Variants in AGBL4 observed in about 807,000 individuals in gnomAD.
AGBL4 encodes AGBL carboxypeptidase 4, also known as cytosolic carboxypeptidase 6.
AGBL4 carries 58 observed loss-of-function variants against 66.4 expected under a neutral mutation model. The ratio of observed to expected loss-of-function variants is 0.87; its 90% CI spans 0.71 to 1.09. The LOEUF is 1.09. Among genes scored for constraint, AGBL4 ranks in the 50% least tolerant of loss-of-function variants. AGBL4 has a pLI of 0.00. For missense variants in AGBL4, 579 were observed against 631.0 expected, an observed-to-expected ratio of 0.92 and a Z score of 0.88; for synonymous variants, 234 against 222.9, an observed-to-expected ratio of 1.05 and a Z score of -0.44.
intron 2 of AGBL4, among the ~76,000 whole-genome samples, chr1:49,737,926 A>G (rs4926827): frequency 0.61 from 92,471 of 152,138 alleles, 28,801 homozygotes; most frequent in Middle Eastern, 0.67. Flanking sequence ...TGCATTTCCA[A>G]CTGAGGTACC....
intron 2 of AGBL4, among the ~76,000 whole-genome samples, chr1:49,741,614 C>A (rs577422266): frequency 9.9e-5 from 15 of 152,256 alleles, no homozygotes; most frequent in South Asian, 4.1e-4. Context: ...GAATCATAGA[C>A]CAATATCCCT....
At chr1:49,067,056 A>G (rs958962991) in intron 4 of AGBL4, among the ~76,000 whole-genome samples, 1 of 152,174 alleles carries the variant, frequency 6.6e-6, no homozygotes, top group South Asian at 2.1e-4. Context: ...CAATCTTGCA[A>G]GAAATACAGG....
chr1:49,063,470 C>T (rs981020639), intron 4 of AGBL4, among the ~76,000 whole-genome samples: 1 of 152,152 alleles, frequency 6.6e-6, no homozygotes, highest in Admixed American at 6.6e-5. Flanking sequence ...GCTGAAGCCA[C>T]ACTGGAGTTT....
At chr1:49,927,853 G>C (rs1475105177) in intron 1 of AGBL4, among the ~76,000 whole-genome samples, 2 of 152,142 alleles carry the variant, frequency 1.3e-5, no homozygotes, top group African/African-American at 4.8e-5. Flanking sequence ...GTCAGAAAAT[G>C]CTGCCAATAA....
intron 1 of AGBL4, among the ~76,000 whole-genome samples, chr1:49,936,553 A>C (rs1654052413): frequency 6.6e-6 from 1 of 152,190 alleles, no homozygotes; most frequent in South Asian, 2.1e-4. Flanking sequence ...ACCAAAGTTG[A>C]AATGAAGGAA....
intron 3 of AGBL4, among the ~76,000 whole-genome samples, chr1:49,422,307 C>T (rs755970039): frequency 9.2e-5 from 14 of 152,124 alleles, no homozygotes; most frequent in Non-Finnish European, 1.6e-4. Context: ...GTGCATCAAA[C>T]TGCTTCTCTG....
chr1:49,153,472 T>C, intron 4 of AGBL4, among the ~76,000 whole-genome samples: 1 of 152,064 alleles, frequency 6.6e-6, no homozygotes, highest in East Asian at 1.9e-4. Context: ...TAAAAGTCAT[T>C]CCAATGTTAA....
chr1:48,657,308 T>C (rs1434480304), intron 7 of AGBL4, among the ~76,000 whole-genome samples: 4 of 152,202 alleles, frequency 2.6e-5, no homozygotes, highest in Non-Finnish European at 4.4e-5. Context: ...TTGCTCTTCG[T>C]TGGCTTGCTG....
chr1:49,059,035 T>C (rs1644355939), intron 4 of AGBL4, among the ~76,000 whole-genome samples: 1 of 152,060 alleles, frequency 6.6e-6, no homozygotes, highest in Non-Finnish European at 1.5e-5. Flanking sequence ...TGGGGAGAAA[T>C]TCAAGTCTGC....
At chr1:49,380,491 C>A (rs926909173) in intron 3 of AGBL4, among the ~76,000 whole-genome samples, 1 of 152,018 alleles carries the variant, frequency 6.6e-6, no homozygotes, top group East Asian at 1.9e-4. Context: ...TTGGAAAAAA[C>A]TACTTTAAAG....
intron 5 of AGBL4, among the ~76,000 whole-genome samples, chr1:48,878,422 G>A (rs572296748): frequency 2.0e-5 from 3 of 152,276 alleles, no homozygotes; most frequent in African/African-American, 7.2e-5. Flanking sequence ...CACTGTCTAA[G>A]TGACCATGAA....
chr1:48,590,073 C>T (rs1644887800), intron 10 of AGBL4, among the ~76,000 whole-genome samples: 1 of 152,216 alleles, frequency 6.6e-6, no homozygotes, highest in African/African-American at 2.4e-5. Flanking sequence ...CATAGCGAGA[C>T]CCTGTCTCTA....
At chr1:48,800,915 G>A (rs11581863) in intron 6 of AGBL4, among the ~76,000 whole-genome samples, 40,859 of 151,602 alleles carry the variant, frequency 0.27, 6,853 homozygotes, top group East Asian at 0.71. Context: ...GCCAGGGCAC[G>A]TAGAGAAAAA....
chr1:49,987,726 TTGTG>T (rs1365864085), intron 1 of AGBL4, among the ~76,000 whole-genome samples: 1 of 151,964 alleles, frequency 6.6e-6, no homozygotes, highest in African/African-American at 2.4e-5. Context: ...GTTATATTAT[TTGTG>T]TAATTTTTAT....
intron 1 of AGBL4, among the ~76,000 whole-genome samples, chr1:50,000,889 G>T (rs1274245929): frequency 2.0e-5 from 3 of 152,034 alleles, no homozygotes; most frequent in Non-Finnish European, 4.4e-5. Context: ...ATAATACAAT[G>T]GACTTTCGGG....
intron 11 of AGBL4, among the ~76,000 whole-genome samples, chr1:48,566,861 G>C (rs1224753098): frequency 1.3e-5 from 2 of 152,198 alleles, no homozygotes; most frequent in African/African-American, 4.8e-5. Flanking sequence ...AGGTGTGGTG[G>C]CTAATGCATG....
chr1:49,734,126 G>A (rs752727800), intron 2 of AGBL4, among the ~76,000 whole-genome samples: 2 of 152,028 alleles, frequency 1.3e-5, no homozygotes, highest in African/African-American at 2.4e-5. Flanking sequence ...ATGAGTAGAA[G>A]GCAATTTCCT....
chr1:49,363,646 T>G (rs920647153), intron 3 of AGBL4, among the ~76,000 whole-genome samples: 3 of 152,170 alleles, frequency 2.0e-5, no homozygotes, highest in African/African-American at 4.8e-5. Flanking sequence ...TTACCTTGAG[T>G]CTTAATTTTC....
At chr1:49,186,241 C>T (rs944282534) in intron 4 of AGBL4, among the ~76,000 whole-genome samples, 4 of 152,122 alleles carry the variant, frequency 2.6e-5, no homozygotes, top group African/African-American at 7.2e-5. Flanking sequence ...TAGAATACAC[C>T]CCATTCAGCC....
Sources: gnomAD v4.1 joint callset for allele counts (sites outside exome capture counted in the v4.1 genomes callset) on GRCh38, gnomAD v4.1.1 for gene constraint, MANE v1.5 for transcripts, NCBI Gene and HGNC (gene_info 2026-07-23, HGNC 2026-07-21) for gene names.